ARHGAP18: variants seen among roughly 807,000 people sequenced by gnomAD.
The protein encoded by ARHGAP18 is Rho GTPase activating protein 18, also known as rho GTPase-activating protein 18.
A neutral mutation model predicts 86.2 loss-of-function variants in ARHGAP18; 67 were observed. The observed-to-expected ratio is 0.78, with a 90% CI of 0.64 to 0.95. ARHGAP18 has a LOEUF of 0.95. Ranked by LOEUF, ARHGAP18 falls within the 40% of genes least tolerant of loss-of-function variation. ARHGAP18 has a pLI of 0.00. For missense variants in ARHGAP18, 691 were observed against 780.4 expected (o/e 0.89, Z 1.37); for synonymous variants, 283 against 280.4 (o/e 1.01, Z -0.09).
At chr6:129,648,457 C>A (rs895140661) in intron 1 of ARHGAP18, among the ~76,000 whole-genome samples, 2 of 151,570 alleles carry the variant, frequency 1.3e-5, no homozygotes, top group African/African-American at 4.8e-5. Flanking sequence ...AGCCACTGTG[C>A]CTGTCCAGTG....
chr6:129,612,482 C>T (rs1017554375), intron 7 of ARHGAP18, among the ~76,000 whole-genome samples: 1 of 152,180 alleles, frequency 6.6e-6, no homozygotes, highest in Non-Finnish European at 1.5e-5. Flanking sequence ...AAAGACAGAC[C>T]TATTCTTCAC....
chr6:129,682,965 T>C (rs1774348133), intron 1 of ARHGAP18, among the ~76,000 whole-genome samples: 1 of 152,228 alleles, frequency 6.6e-6, no homozygotes, highest in African/African-American at 2.4e-5. Context: ...TCTTTCTCGT[T>C]CTGTTTCTCC....
intron 1 of ARHGAP18, among the ~76,000 whole-genome samples, chr6:129,665,344 G>A (rs72986959): frequency 0.05 from 7,600 of 152,108 alleles, 254 homozygotes; most frequent in Admixed American, 0.079. Context: ...TCACAAGTTC[G>A]AGACCAGCAT....
intron 8 of ARHGAP18, among the ~76,000 whole-genome samples, chr6:129,609,358 G>A (rs1472873508): frequency 6.6e-6 from 1 of 152,104 alleles, no homozygotes; most frequent in African/African-American, 2.4e-5. Context: ...CCACTTAATT[G>A]GCCTTCTTAG....
intron 12 of ARHGAP18, chr6:129,598,727 T>C (rs1186778667): frequency 6.6e-6 from 1 of 152,190 alleles, no homozygotes; most frequent in Admixed American, 6.6e-5. Context: ...AACCTTCAAA[T>C]ACTTATTAAA....
chr6:129,703,903 A>G (rs1774759476), intron 1 of ARHGAP18, among the ~76,000 whole-genome samples: 1 of 152,242 alleles, frequency 6.6e-6, no homozygotes, highest in Admixed American at 6.5e-5. Flanking sequence ...CTAAGGTTAG[A>G]AAAAATAAAA....
chr6:129,645,934 C>A (rs556699794), intron 1 of ARHGAP18, among the ~76,000 whole-genome samples: 11 of 152,118 alleles, frequency 7.2e-5, no homozygotes, highest in Non-Finnish European at 1.3e-4. Context: ...CCCATTTTCC[C>A]GTGATACATT....
chr6:129,656,176 A>G (rs1333093787), intron 1 of ARHGAP18, among the ~76,000 whole-genome samples: 1 of 152,262 alleles, frequency 6.6e-6, no homozygotes, highest in East Asian at 1.9e-4. Flanking sequence ...ACAGGGCTTT[A>G]CCACTGATCT....
At chr6:129,647,124 A>C (rs572346693) in intron 1 of ARHGAP18, among the ~76,000 whole-genome samples, 47 of 152,294 alleles carry the variant, frequency 3.1e-4, no homozygotes, top group Non-Finnish European at 6.2e-4. Context: ...AATGACAAAG[A>C]ATTAAAATGT....
In ARHGAP18 at chr6:129,629,485, G is replaced by T. The variant is rs1160899685; in HGVS notation, c.654C>A (p.Ile218=). The T allele has an allele frequency of 6.2e-7, 1 of 1,613,306 alleles. No homozygotes were observed. Among genetic ancestry groups the T allele is most frequent in the African/African-American group, 1.3e-5 (1 of 74,788 alleles). The change falls in exon 5 of 15, where the codon ATC becomes ATA. Residue 218 remains isoleucine, a synonymous_variant. Transcript: ENST00000368149. ...CAGGGGCAGGCGTCTCCTCAGGTGG[G>T]ATCAGCTTCTCTTCACCAACAAGGT... ...ASNLVGEEKL[I]PPEETPAPET...
intron 10 of ARHGAP18, among the ~76,000 whole-genome samples, chr6:129,603,160 C>T (rs960494607): frequency 6.6e-6 from 1 of 152,024 alleles, no homozygotes; most frequent in East Asian, 1.9e-4. Flanking sequence ...ACGCTTCCAC[C>T]GAGTTCCAAA....
intron 1 of ARHGAP18, among the ~76,000 whole-genome samples, chr6:129,702,397 C>T (rs1386788898): frequency 6.6e-6 from 1 of 152,178 alleles, no homozygotes. Context: ...AGTTCTTATT[C>T]TCTATCCCTT....
chr6:129,644,782 T>C (rs1338308405), intron 1 of ARHGAP18, among the ~76,000 whole-genome samples: 2 of 152,226 alleles, frequency 1.3e-5, no homozygotes, highest in African/African-American at 2.4e-5. Context: ...TCCATTAAGA[T>C]AGCATGTGCA....
At position 129,608,065 on chromosome 6, in the gene ARHGAP18, A is replaced by G. The variant is rs774726405; in HGVS notation, c.1123-13T>C. ...CTTGGCAAAGATTCTGATAGGCACG[A>G]AAAAAAAAAAAAAAAAAAAAAGAAG... On this transcript the variant is annotated splice_polypyrimidine_tract_variant and intron_variant, in intron 8 of 14. Transcript: ENST00000368149. The G allele has an allele frequency of 1.6e-5, 2 of 128,642 alleles. No individual in the cohort carries two copies. Among genetic ancestry groups the G allele is most frequent in the African/African-American group, 2.6e-4 (2 of 7,828 alleles). The allele number at this position is 128,642 out of a possible 1,614,324, so 8.0% of individuals were successfully genotyped here.
intron 1 of ARHGAP18, among the ~76,000 whole-genome samples, chr6:129,657,797 C>T (rs942324039): frequency 6.6e-6 from 1 of 152,160 alleles, no homozygotes; most frequent in Non-Finnish European, 1.5e-5. Flanking sequence ...TTCATTATGC[C>T]ATTTTAAACC....
intron 7 of ARHGAP18, among the ~76,000 whole-genome samples, chr6:129,611,944 A>G (rs946507454): frequency 6.6e-6 from 1 of 152,242 alleles, no homozygotes; most frequent in African/African-American, 2.4e-5. Context: ...CCAGAAACCT[A>G]CATTCTGCAA....
chr6:129,584,739 C>G (rs1788360695), intron 12 of ARHGAP18, among the ~76,000 whole-genome samples: 1 of 152,150 alleles, frequency 6.6e-6, no homozygotes, highest in Non-Finnish European at 1.5e-5. Flanking sequence ...ACCAAAATGT[C>G]AGCTATAGCG....
At chr6:129,595,230 C>T (rs1472734369) in intron 12 of ARHGAP18, among the ~76,000 whole-genome samples, 1 of 152,174 alleles carries the variant, frequency 6.6e-6, no homozygotes, top group African/African-American at 2.4e-5. Flanking sequence ...TAGCACTACA[C>T]CATTCACTGA....
chr6:129,621,157 C>A (rs1318547282), intron 5 of ARHGAP18, among the ~76,000 whole-genome samples: 1 of 152,044 alleles, frequency 6.6e-6, no homozygotes, highest in Non-Finnish European at 1.5e-5. Context: ...ATAGGTATAA[C>A]CCACATAAAC....
Sources: allele counts gnomAD v4.1 joint callset (sites outside exome capture counted in the v4.1 genomes callset), GRCh38; gene constraint gnomAD v4.1.1; transcripts MANE v1.5; gene names NCBI Gene and HGNC (gene_info 2026-07-23, HGNC 2026-07-21).